Variants in DCC observed in about 807,000 individuals in gnomAD.
The protein encoded by DCC is netrin receptor DCC.
Under a neutral mutation model 172.5 loss-of-function variants are expected in DCC, and 58 were observed. The ratio of observed to expected loss-of-function variants is 0.34; its 90% CI spans 0.27 to 0.42. DCC has a LOEUF of 0.42. Ranked by LOEUF, DCC falls within the 10% of genes least tolerant of loss-of-function variation. The pLI, the probability that DCC is intolerant of heterozygous loss-of-function variation, is 1.00. For synonymous variants in DCC, 709 were observed against 644.5 expected (o/e 1.10, Z -1.52); for missense variants, 1,740 against 1,791.0 (o/e 0.97, Z 0.51).
chr18:53,529,783 G>T (rs941879956), intron 28 of DCC, among the ~76,000 whole-genome samples: 2 of 152,088 alleles, frequency 1.3e-5, no homozygotes, highest in African/African-American at 4.8e-5. Context: ...CTAGCGACCT[G>T]GTATTTGTGG....
At chr18:53,039,844 T>C (rs933502910) in intron 5 of DCC, among the ~76,000 whole-genome samples, 4 of 152,006 alleles carry the variant, frequency 2.6e-5, no homozygotes, top group Non-Finnish European at 5.9e-5. Flanking sequence ...GTAATAGCAA[T>C]GATCACACCA....
At chr18:52,441,181 A>C (rs1030260175) in intron 1 of DCC, among the ~76,000 whole-genome samples, 2 of 152,212 alleles carry the variant, frequency 1.3e-5, no homozygotes, top group African/African-American at 4.8e-5. Flanking sequence ...AGCTGAAGTT[A>C]TGAGAGATGT....
intron 6 of DCC, among the ~76,000 whole-genome samples, chr18:53,064,608 G>T (rs1368360794): frequency 6.6e-6 from 1 of 152,032 alleles, no homozygotes; most frequent in Non-Finnish European, 1.5e-5. Context: ...CATGCATGTT[G>T]GCCTACTATA....
rs1349769461 is a variant in DCC, at chr18:52,926,806, CAT to C, written c.985+1439_985+1440del. 4.9e-5 allele frequency among the ~76,000 whole-genome samples: 7 copies of C among 142,356 alleles called. 1 individual carries two copies. Among genetic ancestry groups the C allele is most frequent in the South Asian group, 4.6e-4 (2 of 4,384 alleles). The allele number at this position is 142,356 out of a possible 152,430, so 93.4% of individuals were successfully genotyped here. A position where few individuals can be genotyped will look rare whatever the true frequency, so the allele number is the denominator to read the frequency against. On this transcript the variant is annotated intron_variant, in intron 5 of 28. Transcript: ENST00000442544. ...CTATATATATACACACACACATATA[CAT>C]ATGTGTGTGTATATATACATATACA...
intron 21 of DCC, among the ~76,000 whole-genome samples, chr18:53,419,533 A>AT (rs1323409282): frequency 5.3e-5 from 8 of 150,268 alleles, no homozygotes; most frequent in African/African-American, 1.7e-4. Flanking sequence ...TTGACTTTTG[A>AT]TTTTTTCCCT....
chr18:52,690,377 G>A (rs1378029910), intron 1 of DCC, among the ~76,000 whole-genome samples: 1 of 152,154 alleles, frequency 6.6e-6, no homozygotes, highest in African/African-American at 2.4e-5. Flanking sequence ...CTTCACAGCA[G>A]AGGTGACATT....
At chr18:52,872,319 G>A (rs891394276) in intron 2 of DCC, among the ~76,000 whole-genome samples, 7 of 151,930 alleles carry the variant, frequency 4.6e-5, no homozygotes, top group Non-Finnish European at 7.4e-5. Context: ...AGCCCTCAGA[G>A]AGAATCGACA....
chr18:52,342,594 T>C (rs545000473), intron 1 of DCC, among the ~76,000 whole-genome samples: 1 of 152,264 alleles, frequency 6.6e-6, no homozygotes, highest in African/African-American at 2.4e-5. Flanking sequence ...GGGCTTTCTA[T>C]AGCAGTTTGG....
At chr18:52,372,964 T>C (rs1985187745) in intron 1 of DCC, among the ~76,000 whole-genome samples, 1 of 152,174 alleles carries the variant, frequency 6.6e-6, no homozygotes, top group African/African-American at 2.4e-5. Context: ...ACCATTATCT[T>C]GTTAGGGATG....
chr18:53,007,270 A>T (rs900337478), intron 5 of DCC, among the ~76,000 whole-genome samples: 2 of 152,184 alleles, frequency 1.3e-5, no homozygotes, highest in African/African-American at 4.8e-5. Context: ...GAAACCCAAG[A>T]TGACAATGAT....
intron 9 of DCC, among the ~76,000 whole-genome samples, chr18:53,194,668 C>G (rs1391424874): frequency 6.6e-6 from 1 of 152,124 alleles, no homozygotes; most frequent in Non-Finnish European, 1.5e-5. Flanking sequence ...CAGGGTTTCA[C>G]CCTGTTGCCC....
intron 1 of DCC, among the ~76,000 whole-genome samples, chr18:52,684,047 G>A (rs746872781): frequency 3.9e-5 from 6 of 152,088 alleles, no homozygotes; most frequent in Non-Finnish European, 8.8e-5. Context: ...TACCATCCAT[G>A]TGTTTATTTC....
rs546515731 is a variant in DCC, at chr18:53,431,031, A to G, written c.3164-4113A>G. On this transcript the variant is annotated intron_variant, in intron 21 of 28. Coordinates refer to ENST00000442544, the MANE Select transcript of DCC (RefSeq NM_005215.4). ...ACTTTATGACATTTTAAAAATTCAA[A>G]GAAAGGAGAGGTATATGAAATTTCT... 1.0e-3 allele frequency among the ~76,000 whole-genome samples: 159 copies of G among 152,280 alleles called. 2 individuals carry two copies. The highest frequency in any genetic ancestry group is 3.6e-3 in the African/African-American group (149 of 41,586).
At chr18:52,711,921 G>T (rs1018792089) in intron 1 of DCC, among the ~76,000 whole-genome samples, 1 of 151,988 alleles carries the variant, frequency 6.6e-6, no homozygotes, top group African/African-American at 2.4e-5. Context: ...TGACTGCTCT[G>T]CTCAGTGGAC....
At chr18:53,194,677 C>T (rs2055417682) in intron 9 of DCC, among the ~76,000 whole-genome samples, 2 of 152,122 alleles carry the variant, frequency 1.3e-5, no homozygotes, top group Non-Finnish European at 2.9e-5. Context: ...ACCCTGTTGC[C>T]CAGGCTGGTC....
At chr18:53,285,028 T>A (rs2144736000) in intron 12 of DCC, among the ~76,000 whole-genome samples, 1 of 152,248 alleles carries the variant, frequency 6.6e-6, no homozygotes, top group South Asian at 2.1e-4. Context: ...GAGAGGTAAC[T>A]TGGCTGCTCT....
At chr18:53,399,216 A>C (rs1474191126) in intron 18 of DCC, among the ~76,000 whole-genome samples, 2 of 152,116 alleles carry the variant, frequency 1.3e-5, no homozygotes, top group Non-Finnish European at 2.9e-5. Flanking sequence ...AGAAGTGAGG[A>C]ACTGTTGGTT....
At chr18:52,466,653 C>G (rs984548673) in intron 1 of DCC, among the ~76,000 whole-genome samples, 1 of 151,940 alleles carries the variant, frequency 6.6e-6, no homozygotes, top group African/African-American at 2.4e-5. Flanking sequence ...GCTATTCGAC[C>G]AAAATAAAAG....
intron 7 of DCC, among the ~76,000 whole-genome samples, chr18:53,080,363 C>G (rs1174650150): frequency 6.6e-6 from 1 of 152,098 alleles, no homozygotes; most frequent in East Asian, 1.9e-4. Flanking sequence ...ATGTCTTGAT[C>G]ATCTTTGTAT....
Sources: allele counts gnomAD v4.1 joint callset (sites outside exome capture counted in the v4.1 genomes callset), GRCh38; gene constraint gnomAD v4.1.1; transcripts MANE v1.5; gene names NCBI Gene and HGNC (gene_info 2026-07-23, HGNC 2026-07-21).